SWAP70: variants seen among roughly 807,000 people sequenced by gnomAD.
SWAP70 encodes switching B cell complex subunit SWAP70.
SWAP70 carries 34 observed loss-of-function variants against 80.2 expected under a neutral mutation model. That is an observed-to-expected ratio of 0.42 (90% CI 0.32 to 0.56). The LOEUF is 0.56. SWAP70 is among the 20% of genes least tolerant of loss of function. The probability of loss-of-function intolerance (pLI) is 0.09; values close to 1 mark genes in which losing one functional copy is unlikely to be tolerated. For missense variants in SWAP70, 578 were observed against 690.7 expected, an observed-to-expected ratio of 0.84 and a Z score of 1.83; for synonymous variants, 239 against 238.5, an observed-to-expected ratio of 1.00 and a Z score of -0.02.
chr11:9,686,221 C>CTCTTTATCCCT (rs1850629918), intron 1 of SWAP70, among the ~76,000 whole-genome samples: 1 of 151,816 alleles, frequency 6.6e-6, no homozygotes, highest in African/African-American at 2.4e-5. Flanking sequence ...TTATATATCT[C>CTCTTTATCCCT]TCTTTCTCCC....
chr11:9,748,642 C>T (rs1314891197), intron 10 of SWAP70, among the ~76,000 whole-genome samples: 3 of 151,784 alleles, frequency 2.0e-5, no homozygotes, highest in African/African-American at 4.9e-5. Flanking sequence ...AAGAAAAGTC[C>T]CTCCCTCCTC....
intron 1 of SWAP70, among the ~76,000 whole-genome samples, chr11:9,692,211 A>T (rs1290442315): frequency 2.2e-5 from 1 of 46,482 alleles, no homozygotes; most frequent in Non-Finnish European, 4.2e-5. Flanking sequence ...TAGGCTGGCC[A>T]CTTAAAATAT....
chr11:9,726,151 A>T (rs973011063), intron 4 of SWAP70, among the ~76,000 whole-genome samples: 1 of 152,174 alleles, frequency 6.6e-6, no homozygotes, highest in African/African-American at 2.4e-5. Context: ...TTATAAAATC[A>T]GAAAAATACC....
At chr11:9,677,074 C>T (rs770918182) in intron 1 of SWAP70, among the ~76,000 whole-genome samples, 12 of 151,048 alleles carry the variant, frequency 7.9e-5, no homozygotes, top group African/African-American at 1.9e-4. Context: ...GAGAGCTATT[C>T]GTATGTGGAT....
rs752694843 is a variant in SWAP70, at chr11:9,738,246, G to A, written c.1114G>A (p.Glu372Lys). The A allele has an allele frequency of 1.9e-6, 3 of 1,611,394 alleles. No individual in the cohort carries two copies. The highest frequency in any genetic ancestry group is 4.5e-5 in the East Asian group (2 of 44,640). Residue 372 changes from glutamate (E) to lysine (K), a missense_variant, in exon 8 of 12, where the codon GAG (glutamate) becomes AAG (lysine). Transcript: ENST00000318950. ...GGAAGCAGCATCTCGTGCAGCAGAA[G>A]AGGAAAAGAAACGCCTTCAGACTCA... is the stretch of plus-strand genomic sequence containing the variant. The part of the protein sequence containing the change: ...LEEAASRAAE[E>K]EKKRLQTQVE...
chr11:9,725,569 A>ATATTT (rs1554892086), intron 4 of SWAP70, among the ~76,000 whole-genome samples: 77 of 26,546 alleles, frequency 2.9e-3, no homozygotes, highest in Admixed American at 4.0e-3. Context: ...ATATATATAT[A>ATATTT]TTTTTTTTTT....
intron 2 of SWAP70, among the ~76,000 whole-genome samples, chr11:9,700,629 A>G (rs12275468): frequency 0.1 from 15,686 of 152,184 alleles, 1,583 homozygotes; most frequent in African/African-American, 0.26. Flanking sequence ...CTAATAAGTG[A>G]TAGGTAGATT....
At chr11:9,749,547 A>G (rs1252241981) in intron 11 of SWAP70, among the ~76,000 whole-genome samples, 3 of 152,104 alleles carry the variant, frequency 2.0e-5, no homozygotes, top group African/African-American at 7.2e-5. Context: ...CGCCCTGCCC[A>G]TATATTTATT....
intron 1 of SWAP70, among the ~76,000 whole-genome samples, chr11:9,675,373 GAGAGAGAGAGAGAGAGA>G (rs1850481422): frequency 1.8e-5 from 1 of 56,554 alleles, no homozygotes. Flanking sequence ...GAGAGAGAGA[GAGAGAGAGAGAGAGAGA>G]GAGAGAGAGA....
intron 1 of SWAP70, among the ~76,000 whole-genome samples, chr11:9,676,718 C>T (rs1027525450): frequency 1.3e-5 from 2 of 148,628 alleles, no homozygotes; most frequent in East Asian, 4.0e-4. Flanking sequence ...GGCGCAATCT[C>T]GGCTTACTGC....
chr11:9,670,900 C>G (rs1007875034), intron 1 of SWAP70, among the ~76,000 whole-genome samples: 2 of 151,254 alleles, frequency 1.3e-5, no homozygotes, highest in Non-Finnish European at 2.9e-5. Flanking sequence ...ATTACAGGTG[C>G]CTGCCACCAC....
At chr11:9,740,456 C>G (rs1437175419) in intron 9 of SWAP70, 109 bp downstream of exon 9, 1 of 1,165,376 alleles carries the variant, frequency 8.6e-7, no homozygotes, top group African/African-American at 1.5e-5. Context: ...TCTGCTCTGG[C>G]TGTGACTGAG....
chr11:9,697,361 C>A (rs1293947773), intron 2 of SWAP70, among the ~76,000 whole-genome samples: 1 of 151,536 alleles, frequency 6.6e-6, no homozygotes, highest in African/African-American at 2.4e-5. Context: ...CGGCTCACAG[C>A]AACCTCTGTC....
In SWAP70 at chr11:9,748,118, T is replaced by C. The variant is rs868034541; in HGVS notation, c.1554+62T>C. 1.2e-5 allele frequency: 18 copies of C among 1,514,314 alleles called. No individual in the cohort carries two copies. In the Middle Eastern group the frequency reaches 6.8e-4, roughly 58 times the overall value. 93.8% of individuals were successfully genotyped at this position (1,514,314 alleles called of 1,614,324 possible). On this transcript the variant is annotated intron_variant, in intron 10 of 11. Coordinates refer to ENST00000318950, the MANE Select transcript of SWAP70 (RefSeq NM_015055.4). ...ATTTTTGAAAAACATTTCTCAATAA[T>C]AGAATTATTTGCTTAGCTGCCAATA...
At chr11:9,695,700 TAACA>T (rs1850747850) in intron 2 of SWAP70, among the ~76,000 whole-genome samples, 1 of 151,866 alleles carries the variant, frequency 6.6e-6, no homozygotes, top group African/African-American at 2.4e-5. Flanking sequence ...TACACTTATG[TAACA>T]AACCTGCACG....
Position 9,740,351 on chromosome 11 carries a change from C to T in SWAP70, c.1355+4C>T, listed in dbSNP as rs765042350. 4 of 1,614,086 alleles carry T rather than the reference C, an allele frequency of 2.5e-6. No homozygotes were observed. The Admixed American group carries it at 6.7e-5, about 27-fold the overall frequency. On this transcript the variant is annotated splice_donor_region_variant and intron_variant, in intron 9 of 11. Transcript: ENST00000318950. ...CAGTGCGGAAGCTTCAGGCCAGGTG[C>T]CAGATTTGTTTGCAGACTTTGCCTT... is the stretch of plus-strand genomic sequence containing the variant.
intron 2 of SWAP70, among the ~76,000 whole-genome samples, chr11:9,710,474 G>C (rs1043334864): frequency 5.9e-5 from 9 of 152,018 alleles, no homozygotes; most frequent in African/African-American, 2.2e-4. Context: ...GGACTGGTTT[G>C]CCAACTACAA....
At chr11:9,680,377 CA>C (rs1017434561) in intron 1 of SWAP70, among the ~76,000 whole-genome samples, 2 of 152,152 alleles carry the variant, frequency 1.3e-5, no homozygotes, top group African/African-American at 4.8e-5. Context: ...CATTGGATTT[CA>C]AAGACTTAGT....
At chr11:9,672,268 C>T (rs1342049867) in intron 1 of SWAP70, among the ~76,000 whole-genome samples, 7 of 120,458 alleles carry the variant, frequency 5.8e-5, no homozygotes, top group African/African-American at 2.2e-4. Context: ...TTTCCATGTC[C>T]CATAAACTTC....
Sources: gnomAD v4.1 joint callset for allele counts (sites outside exome capture counted in the v4.1 genomes callset) on GRCh38, gnomAD v4.1.1 for gene constraint, MANE v1.5 for transcripts, NCBI Gene and HGNC (gene_info 2026-07-23, HGNC 2026-07-21) for gene names.